Variants in XKR6 observed in about 807,000 individuals in gnomAD.
XKR6 encodes the protein XK related 6, also known as XK-related protein 6.
In XKR6, 22 loss-of-function variants were observed where a neutral mutation model predicts 56.7. That is an observed-to-expected ratio of 0.39 (90% CI 0.28 to 0.55). The LOEUF (loss-of-function observed/expected upper bound fraction) is 0.55. XKR6 is among the 20% of genes least tolerant of loss of function. The probability of loss-of-function intolerance (pLI) is 0.66; values close to 1 mark genes in which losing one functional copy is unlikely to be tolerated. For missense variants in XKR6, 852 were observed against 889.0 expected, an observed-to-expected ratio of 0.96 and a Z score of 0.53; for synonymous variants, 524 against 387.8, an observed-to-expected ratio of 1.35 and a Z score of -4.13.
At chr8:10,985,545 A>G (rs79751702) in intron 1 of XKR6, among the ~76,000 whole-genome samples, 7,328 of 151,888 alleles carry the variant, frequency 0.048, 488 homozygotes, top group African/African-American at 0.14. Flanking sequence ...TTCTTGCTCA[A>G]AAATTACCAA....
chr8:11,172,967 C>T (rs1422216540), intron 1 of XKR6, among the ~76,000 whole-genome samples: 2 of 152,102 alleles, frequency 1.3e-5, no homozygotes, highest in Admixed American at 6.5e-5. Flanking sequence ...ATCTATTATC[C>T]GGTATTTAAG....
intron 1 of XKR6, among the ~76,000 whole-genome samples, chr8:11,016,209 G>C (rs4074822): frequency 0.36 from 54,445 of 152,108 alleles, 10,458 homozygotes; most frequent in Middle Eastern, 0.46. Flanking sequence ...CCCCGTCCCC[G>C]GGCGGGACCT....
In XKR6 at chr8:11,032,964, T is replaced by C. The variant is rs889909965; in HGVS notation, c.765-108134A>G. Reference sequence around the variant, plus strand: ...ACGATGATGATGGTACCGATGGTGATTGTAGTGGTGATAATGGTGATGGTT... The same window carrying C: ...ACGATGATGATGGTACCGATGGTGACTGTAGTGGTGATAATGGTGATGGTT... On this transcript the variant is annotated intron_variant, in intron 1 of 2. Transcript: ENST00000416569. 3.3e-5 allele frequency among the ~76,000 whole-genome samples: 5 copies of C among 152,032 alleles called. No homozygotes were observed. The South Asian group carries it at 6.2e-4, about 19-fold the overall frequency.
At chr8:11,185,285 A>C (rs138388200) in intron 1 of XKR6, among the ~76,000 whole-genome samples, 272 of 152,318 alleles carry the variant, frequency 1.8e-3, no homozygotes, top group African/African-American at 5.9e-3. Flanking sequence ...GCTCACATTT[A>C]TTTCAACGTT....
At chr8:10,983,726 G>A (rs1022825035) in intron 1 of XKR6, among the ~76,000 whole-genome samples, 2 of 151,664 alleles carry the variant, frequency 1.3e-5, no homozygotes, top group African/African-American at 4.8e-5. Flanking sequence ...CCTGATCTCA[G>A]CTCACTGCAA....
intron 1 of XKR6, among the ~76,000 whole-genome samples, chr8:11,001,661 C>T (rs549433610): frequency 6.6e-6 from 1 of 152,186 alleles, no homozygotes; most frequent in African/African-American, 2.4e-5. Flanking sequence ...GTAGCCGTTG[C>T]TGCACCGCAA....
intron 1 of XKR6, among the ~76,000 whole-genome samples, chr8:10,941,298 G>T (rs1801379649): frequency 6.6e-6 from 1 of 152,138 alleles, no homozygotes; most frequent in Admixed American, 6.5e-5. Flanking sequence ...AGAGGGGACG[G>T]TGTCACAACC....
At chr8:11,085,062 C>T (rs1414467378) in intron 1 of XKR6, among the ~76,000 whole-genome samples, 1 of 152,152 alleles carries the variant, frequency 6.6e-6, no homozygotes, top group Non-Finnish European at 1.5e-5. Context: ...TGCCAGCCTT[C>T]CTTCGTCCCC....
In XKR6 at chr8:11,200,817, G is replaced by C. The variant is rs1480861731; in HGVS notation, c.523C>G (p.Leu175Val). The part of the protein sequence containing the change: ...TLFFVLVPSL[L>V]VQSLSFRWFV... ...CAGCGGAAGCTCAGGCTCTGCACCA[G>C]CAGCGACGGCACCAGCACGAAGAAG... The change falls in exon 1 of 3, where the codon CTG becomes GTG. Residue 175 changes from leucine to valine, a missense_variant. Physicochemically the swap from Leu to Val is conservative, Grantham distance 32. Around this residue, in one of 4 missense-constraint regions of XKR6, gnomAD observed 417 missense variants for 355.2 expected, o/e 1.17. Coordinates refer to ENST00000416569, the MANE Select transcript of XKR6 (RefSeq NM_173683.4). The surrounding 1 kb of genome is among the most constrained non-coding windows in gnomAD (Gnocchi z 6.4). 1.2e-6 allele frequency: 2 copies of C among 1,611,612 alleles called. No individual in the cohort carries two copies. The highest frequency in any genetic ancestry group is 1.7e-6 in the Non-Finnish European group (2 of 1,179,422).
chr8:10,907,937 C>T (rs1800227991), intron 2 of XKR6, among the ~76,000 whole-genome samples: 1 of 152,222 alleles, frequency 6.6e-6, no homozygotes, highest in Non-Finnish European at 1.5e-5. Context: ...TCTGCATCTG[C>T]CCTCCTCCCA....
rs1182123683 is a variant in XKR6 at position 11,090,409 on chromosome 8, T to C, written c.764+110167A>G. 8.5e-5 allele frequency among the ~76,000 whole-genome samples: 13 copies of C among 152,130 alleles called. No homozygotes were observed. In the East Asian group the frequency reaches 2.5e-3, roughly 29 times the overall value. On this transcript the variant is annotated intron_variant, in intron 1 of 2. Coordinates refer to ENST00000416569, the MANE Select transcript of XKR6 (RefSeq NM_173683.4). ...ACTTCCAGTCGCTTTTTAATGGTTTTTTTTTTTTCTTAATTTCCAGCATTT... is the reference window on the plus strand; with the variant it reads ...ACTTCCAGTCGCTTTTTAATGGTTTCTTTTTTTTCTTAATTTCCAGCATTT...
intron 2 of XKR6, among the ~76,000 whole-genome samples, chr8:10,923,336 G>A (rs1388311963): frequency 6.6e-6 from 1 of 152,126 alleles, no homozygotes; most frequent in Non-Finnish European, 1.5e-5. Flanking sequence ...CAGATACCCT[G>A]GGGCCCCTTT....
At chr8:11,012,577 G>C (rs1361918607) in intron 1 of XKR6, among the ~76,000 whole-genome samples, 1 of 152,126 alleles carries the variant, frequency 6.6e-6, no homozygotes, top group African/African-American at 2.4e-5. Context: ...TACCATGGGG[G>C]AGGAAAAGAG....
intron 1 of XKR6, among the ~76,000 whole-genome samples, chr8:11,064,030 T>C (rs1343560580): frequency 6.6e-6 from 1 of 152,252 alleles, no homozygotes; most frequent in Non-Finnish European, 1.5e-5. Context: ...TTCTCTTCTA[T>C]ATCAACATCC....
chr8:10,944,677 C>G (rs1476714362), intron 1 of XKR6, among the ~76,000 whole-genome samples: 2 of 152,174 alleles, frequency 1.3e-5, no homozygotes, highest in African/African-American at 4.8e-5. Context: ...CCTTCCACAG[C>G]CTGGCTGGCT....
chr8:11,074,566 T>C (rs1284371868), intron 1 of XKR6, among the ~76,000 whole-genome samples: 1 of 152,178 alleles, frequency 6.6e-6, no homozygotes, highest in African/African-American at 2.4e-5. Context: ...CCTCAAGCAT[T>C]TGTCTAGTAG....
chr8:10,955,004 G>T (rs1014672161), intron 1 of XKR6, among the ~76,000 whole-genome samples: 2 of 151,744 alleles, frequency 1.3e-5, no homozygotes, highest in African/African-American at 4.8e-5. Flanking sequence ...GAGTAGCTAG[G>T]ATTACAGGCA....
chr8:11,153,956 G>A (rs560560300), intron 1 of XKR6, among the ~76,000 whole-genome samples: 9 of 152,216 alleles, frequency 5.9e-5, no homozygotes, highest in South Asian at 2.1e-4. Flanking sequence ...TGGTCTCTCC[G>A]TTTCCACCCC....
chr8:11,091,368 G>A (rs1304633584), intron 1 of XKR6, among the ~76,000 whole-genome samples: 2 of 151,936 alleles, frequency 1.3e-5, no homozygotes, highest in Admixed American at 6.5e-5. Flanking sequence ...AGCCTGGGAG[G>A]TGGAGGCTGC....
Sources: gnomAD v4.1 joint callset for allele counts (sites outside exome capture counted in the v4.1 genomes callset) on GRCh38, gnomAD v4.1.1 for gene constraint, gnomAD v4.1.1 regional missense constraint, Gnocchi (gnomAD v3.1) non-coding constraint, MANE v1.5 for transcripts, NCBI Gene and HGNC (gene_info 2026-07-23, HGNC 2026-07-21) for gene names.